FRMD1: variants seen among roughly 807,000 people sequenced by gnomAD.
FRMD1 encodes FERM domain containing 1.
Under a neutral mutation model 54.9 loss-of-function variants are expected in FRMD1, and 51 were observed. That is an observed-to-expected ratio of 0.93 (90% CI 0.74 to 1.17). FRMD1 has a LOEUF of 1.17. Ranked by LOEUF, FRMD1 falls within the 50% of genes most tolerant of loss-of-function variation. The pLI is 0.00. For missense variants in FRMD1, 729 were observed against 743.0 expected (o/e 0.98, Z 0.22); for synonymous variants, 324 against 306.4 (o/e 1.06, Z -0.60).
Position 168,091,858 on chromosome 6 carries a change from G to A in FRMD1, c.-12+9567C>T, listed in dbSNP as rs141391743. ...CCCAGACTAATAGACTCACTACAACGGGCCCAGCCATGCCTTCATTCCACT... is the reference window on the plus strand; with the variant it reads ...CCCAGACTAATAGACTCACTACAACAGGCCCAGCCATGCCTTCATTCCACT... On this transcript the variant is annotated intron_variant, in intron 1 of 12. Transcript: ENST00000644440. 4.0e-3 allele frequency among the ~76,000 whole-genome samples: 611 copies of A among 152,170 alleles called. 9 individuals are homozygous for A. Among genetic ancestry groups the A allele is most frequent in the African/African-American group, 0.014 (577 of 41,474 alleles).
intron 2 of FRMD1, among the ~76,000 whole-genome samples, chr6:168,068,393 C>T (rs375312082): frequency 1.9e-4 from 29 of 152,256 alleles, no homozygotes; most frequent in Middle Eastern, 6.8e-3. Context: ...ACAATCCCTC[C>T]GTGTCTGCTG....
At chr6:168,075,719 C>T (rs1386922151) in intron 1 of FRMD1, 4 of 1,520,954 alleles carry the variant, frequency 2.6e-6, no homozygotes, top group Non-Finnish European at 3.6e-6. Context: ...TCCCCATGAG[C>T]GCGAGCATCG....
At chr6:168,068,368 G>A (rs540723566) in intron 2 of FRMD1, among the ~76,000 whole-genome samples, 3 of 152,082 alleles carry the variant, frequency 2.0e-5, no homozygotes, top group Non-Finnish European at 2.9e-5. Flanking sequence ...TTCCTGCTGC[G>A]ACTTAAAGCA....
At chr6:168,070,659 C>T (rs903768850) in intron 2 of FRMD1, among the ~76,000 whole-genome samples, 1 of 152,256 alleles carries the variant, frequency 6.6e-6, no homozygotes, top group Non-Finnish European at 1.5e-5. Flanking sequence ...ATCAGCTTCT[C>T]TCTTTCTCCC....
chr6:168,083,349 T>A (rs577127179), upstream of FRMD1, among the ~76,000 whole-genome samples: 1 of 152,172 alleles, frequency 6.6e-6, no homozygotes, highest in African/African-American at 2.4e-5. Flanking sequence ...CCTGCCTTAT[T>A]TATCTTAGCA....
Position 168,075,287 on chromosome 6 carries a change from T to G in FRMD1, c.262A>C (p.Ser88Arg). The G allele has an allele frequency of 6.2e-7, 1 of 1,613,728 alleles. No individual in the cohort carries two copies. The highest frequency in any genetic ancestry group is 1.1e-5 in the South Asian group (1 of 91,090). The change falls in exon 2 of 11, where the codon AGC becomes CGC. Residue 88 changes from serine to arginine, a missense_variant. Transcript: ENST00000283309. ...ELFQQVCNVA[S>R]IRDAQFFGLC... The stretch of plus-strand genomic sequence containing the variant: ...CCAAAGAACTGCGCGTCTCTGATGC[T>G]CGCCACGTTGCACACTTGCTGGAAA...
At chr6:168,083,940 G>C (rs1033841653), upstream of FRMD1, among the ~76,000 whole-genome samples, 1 of 152,156 alleles carries the variant, frequency 6.6e-6, no homozygotes, top group African/African-American at 2.4e-5. Flanking sequence ...CTTATTTAAG[G>C]CTTCCTAAAT....
intron 1 of FRMD1, among the ~76,000 whole-genome samples, chr6:168,091,846 A>G (rs926447381): frequency 6.6e-6 from 1 of 152,048 alleles, no homozygotes; most frequent in Non-Finnish European, 1.5e-5. Context: ...AGACTAATAG[A>G]CTCACTACAA....
In FRMD1 at chr6:168,060,836, C is replaced by T. The variant is rs148097635; in HGVS notation, c.1267G>A (p.Gly423Arg). ...GAGGACGGCTCCTTCTCATGGAGCC[C>T]GTGGACCTCCAAGGGCACGTCCACA... ...MSVDVPLEVH[G>R]LHEKEPSSSP... Residue 423 changes from glycine to arginine, a missense_variant, in exon 9 of 11, where the codon GGG becomes AGG. Transcript: ENST00000283309. 1,731 of 1,613,570 alleles carry T rather than the reference C, an allele frequency of 1.1e-3. No individual in the cohort carries two copies. Among genetic ancestry groups the T allele is most frequent in the Non-Finnish European group, 1.4e-3 (1,597 of 1,179,978 alleles).
At chr6:168,080,514 C>T (rs1489754692), upstream of FRMD1, among the ~76,000 whole-genome samples, 5 of 152,196 alleles carry the variant, frequency 3.3e-5, no homozygotes, top group African/African-American at 4.8e-5. Context: ...GTGCCACTGG[C>T]GCCTGAGCAG....
At chr6:168,081,872 A>G (rs1441089239), upstream of FRMD1, 1 of 250,378 alleles carries the variant, frequency 4.0e-6, no homozygotes, top group Non-Finnish European at 7.5e-6. Flanking sequence ...TCTGAAGTTT[A>G]TGAAACATTT....
At chr6:168,086,336 CGTGTGGACACCCATGTGCCCA>C (rs1484574954), upstream of FRMD1, among the ~76,000 whole-genome samples, 1 of 151,062 alleles carries the variant, frequency 6.6e-6, no homozygotes, top group African/African-American at 2.4e-5. Context: ...TGTGGACACC[CGTGTGGACACCCATGTGCCCA>C]GTGTGGACAC....
intron 1 of FRMD1, among the ~76,000 whole-genome samples, 175 bp downstream of exon 1, chr6:168,078,707 C>A (rs541151786): frequency 1.4e-5 from 2 of 142,506 alleles, no homozygotes; most frequent in African/African-American, 5.3e-5. Context: ...CCTGCTCACC[C>A]CTATGGCCAC....
chr6:168,081,456 A>T, upstream of FRMD1: 2 of 1,535,494 alleles, frequency 1.3e-6, 1 homozygote, highest in Admixed American at 3.9e-5. Flanking sequence ...GGAAGAGGAG[A>T]CCACCGCCCA....
intron 2 of FRMD1, among the ~76,000 whole-genome samples, chr6:168,074,616 G>GTT (rs1800479371): frequency 2.0e-5 from 3 of 150,002 alleles, no homozygotes; most frequent in South Asian, 2.1e-4. Context: ...CATGTGTGTG[G>GTT]TGCATGCATG....
upstream of FRMD1, among the ~76,000 whole-genome samples, chr6:168,080,141 G>A (rs1192813738): frequency 2.6e-5 from 4 of 152,110 alleles, no homozygotes; most frequent in African/African-American, 9.7e-5. Flanking sequence ...TCGCACTCCA[G>A]CCGCCTTAAG....
At chr6:168,077,518 G>C (rs1800652911) in intron 1 of FRMD1, among the ~76,000 whole-genome samples, 1 of 146,072 alleles carries the variant, frequency 6.8e-6, no homozygotes, top group Non-Finnish European at 1.5e-5. Flanking sequence ...GCACAACCCA[G>C]TGAGGGGTTC....
chr6:168,062,014 A>T (rs942475938), intron 7 of FRMD1, 33 bp from the exon 8 acceptor site: 1 of 1,564,474 alleles, frequency 6.4e-7, no homozygotes, highest in Non-Finnish European at 8.7e-7. Context: ...GCCACTCCAC[A>T]GGTGGAAAAC....
rs542435642 is a variant in FRMD1 at position 168,056,757 on chromosome 6, C to A, written c.*340G>T. 3 of 202,804 alleles carry A rather than the reference C, an allele frequency of 1.5e-5. No individual in the cohort carries two copies. The highest frequency in any genetic ancestry group is 1.6e-4 in the South Asian group (1 of 6,306). The allele number at this position is 202,804 out of a possible 1,614,324, so 12.6% of individuals were successfully genotyped here. A position where few individuals can be genotyped will look rare whatever the true frequency, so the allele number is the denominator to read the frequency against. On this transcript the variant is annotated 3_prime_UTR_variant, in exon 11 of 11. Transcript: ENST00000283309. ...CCAGGGTCTGGGCCCAGCTGTGTCA[C>A]CTTCTCTCCCAGATTAGGATGGGTG...
Sources: gnomAD v4.1 joint callset for allele counts (sites outside exome capture counted in the v4.1 genomes callset) on GRCh38, gnomAD v4.1.1 for gene constraint, MANE v1.5 for transcripts, NCBI Gene and HGNC (gene_info 2026-07-23, HGNC 2026-07-21) for gene names.